GNAQ: variants seen among roughly 807,000 people sequenced by gnomAD.
GNAQ encodes G protein subunit alpha q.
GNAQ carries 8 observed loss-of-function variants against 43.9 expected under a neutral mutation model. The ratio of observed to expected loss-of-function variants is 0.18; its 90% CI spans 0.11 to 0.33. The LOEUF (loss-of-function observed/expected upper bound fraction) is 0.33, where lower values mean the gene tolerates loss of function less well. GNAQ is among the 10% of genes least tolerant of loss of function. The pLI, the probability that GNAQ is intolerant of heterozygous loss-of-function variation, is 1.00. For synonymous variants in GNAQ, 155 were observed against 170.7 expected, an observed-to-expected ratio of 0.91 and a Z score of 0.71; for missense variants, 158 against 450.8, an observed-to-expected ratio of 0.35 and a Z score of 5.88.
intron 5 of GNAQ, among the ~76,000 whole-genome samples, chr9:77,736,588 T>C (rs1437702128): frequency 6.6e-6 from 1 of 152,176 alleles, no homozygotes; most frequent in Non-Finnish European, 1.5e-5. Flanking sequence ...TATTTGCCTA[T>C]TACCTCCAGG....
chr9:77,736,320 G>A (rs1266341669), intron 5 of GNAQ, among the ~76,000 whole-genome samples: 1 of 152,172 alleles, frequency 6.6e-6, no homozygotes, highest in East Asian at 1.9e-4. Context: ...AATGGAGTAG[G>A]TGGAGTGAGA....
chr9:77,814,281 G>T (rs1209646492), intron 3 of GNAQ, among the ~76,000 whole-genome samples: 2 of 152,198 alleles, frequency 1.3e-5, no homozygotes, highest in East Asian at 3.9e-4. Flanking sequence ...ACAGAGGGAG[G>T]GAGAATGGCA....
chr9:77,845,290 T>C (rs1827566242), intron 2 of GNAQ, among the ~76,000 whole-genome samples: 1 of 152,198 alleles, frequency 6.6e-6, no homozygotes, highest in Admixed American at 6.5e-5. Flanking sequence ...CAGAAGCAAT[T>C]GTTGAACCTA....
intron 1 of GNAQ, among the ~76,000 whole-genome samples, chr9:77,963,095 G>A (rs1415429833): frequency 6.6e-6 from 1 of 152,048 alleles, no homozygotes; most frequent in African/African-American, 2.4e-5. Context: ...TAAAATTGAA[G>A]TAAGAACAAA....
intron 5 of GNAQ, among the ~76,000 whole-genome samples, chr9:77,788,063 C>T (rs940477619): frequency 1.3e-5 from 2 of 151,890 alleles, no homozygotes; most frequent in Non-Finnish European, 2.9e-5. Context: ...CAAAACACAC[C>T]CAAAACCCTT....
At chr9:77,848,372 A>G (rs1362559890) in intron 2 of GNAQ, among the ~76,000 whole-genome samples, 1 of 152,226 alleles carries the variant, frequency 6.6e-6, no homozygotes, top group East Asian at 1.9e-4. Context: ...ATACTTTCAC[A>G]TGTCGGAATT....
chr9:77,881,683 T>C (rs1828210149), intron 2 of GNAQ, among the ~76,000 whole-genome samples: 1 of 152,152 alleles, frequency 6.6e-6, no homozygotes, highest in African/African-American at 2.4e-5. Flanking sequence ...CATGCCTGGC[T>C]GGTTGATTAT....
intron 2 of GNAQ, among the ~76,000 whole-genome samples, chr9:77,857,556 G>T (rs187107695): frequency 1.4e-4 from 21 of 147,334 alleles, no homozygotes; most frequent in African/African-American, 5.3e-4. Context: ...GAGGGAGGGA[G>T]GGAAGGAAGG....
At chr9:77,993,212 A>G (rs1823530198) in intron 1 of GNAQ, among the ~76,000 whole-genome samples, 1 of 152,170 alleles carries the variant, frequency 6.6e-6, no homozygotes, top group Non-Finnish European at 1.5e-5. Context: ...CCTTCTCTCT[A>G]ATGGAGAAAT....
At chr9:77,725,038 T>C (rs977013275) in intron 6 of GNAQ, among the ~76,000 whole-genome samples, 8 of 152,110 alleles carry the variant, frequency 5.3e-5, no homozygotes, top group Non-Finnish European at 1.0e-4. Context: ...TGAACTTCTG[T>C]ATGATTTTGT....
At chr9:77,858,262 C>T (rs956587920) in intron 2 of GNAQ, among the ~76,000 whole-genome samples, 74 of 152,122 alleles carry the variant, frequency 4.9e-4, no homozygotes, top group African/African-American at 1.7e-3. Flanking sequence ...GGGATTCCAA[C>T]GCAGAGACAG....
chr9:77,843,627 A>G (rs1403536410), intron 2 of GNAQ, among the ~76,000 whole-genome samples: 1 of 152,212 alleles, frequency 6.6e-6, no homozygotes, highest in Non-Finnish European at 1.5e-5. Flanking sequence ...ATGAAGTCAG[A>G]GGAAACTGGT....
At chr9:77,861,608 A>G (rs959432160) in intron 2 of GNAQ, among the ~76,000 whole-genome samples, 3 of 152,168 alleles carry the variant, frequency 2.0e-5, no homozygotes, top group Admixed American at 1.3e-4. Flanking sequence ...ACAAAGGGCT[A>G]CAGGCCCCAC....
chr9:77,950,675 C>T (rs566026263), intron 1 of GNAQ, among the ~76,000 whole-genome samples: 14 of 152,290 alleles, frequency 9.2e-5, no homozygotes, highest in African/African-American at 3.1e-4. Flanking sequence ...TTAATGAGCA[C>T]GCACAGCATT....
chr9:78,009,238 C>T (rs1823744785), intron 1 of GNAQ, among the ~76,000 whole-genome samples: 1 of 152,204 alleles, frequency 6.6e-6, no homozygotes, highest in Non-Finnish European at 1.5e-5. Flanking sequence ...GCAACCTAAA[C>T]TTCAGGTTAT....
At chr9:77,812,723 T>C (rs1826947101) in intron 3 of GNAQ, among the ~76,000 whole-genome samples, 1 of 152,102 alleles carries the variant, frequency 6.6e-6, no homozygotes, top group Admixed American at 6.5e-5. Flanking sequence ...TATAATAATG[T>C]ATTATTATTT....
intron 2 of GNAQ, among the ~76,000 whole-genome samples, chr9:77,836,898 T>C (rs560753914): frequency 5.3e-5 from 8 of 152,178 alleles, no homozygotes; most frequent in Non-Finnish European, 1.2e-4. Context: ...GGAGTAGAGA[T>C]AGGACATAAA....
At chr9:77,962,383 T>C (rs976041154) in intron 1 of GNAQ, among the ~76,000 whole-genome samples, 7 of 152,088 alleles carry the variant, frequency 4.6e-5, no homozygotes, top group Non-Finnish European at 8.8e-5. Flanking sequence ...TTCATAATCA[T>C]CCTGCTGAAA....
chr9:77,983,600 T>C (rs1823395544), intron 1 of GNAQ, among the ~76,000 whole-genome samples: 1 of 152,202 alleles, frequency 6.6e-6, no homozygotes, highest in South Asian at 2.1e-4. Context: ...TCCTCATAGT[T>C]GGTGTATGTT....
Sources: gnomAD v4.1 joint callset for allele counts (sites outside exome capture counted in the v4.1 genomes callset) on GRCh38, gnomAD v4.1.1 for gene constraint, MANE v1.5 for transcripts, NCBI Gene and HGNC (gene_info 2026-07-23, HGNC 2026-07-21) for gene names.